The following SH3BGRL2 variants were observed in gnomAD, a reference collection of about 807,000 sequenced individuals.
SH3BGRL2 encodes SH3 domain binding glutamate rich protein like 2.
A neutral mutation model predicts 14.8 loss-of-function variants in SH3BGRL2; 21 were observed. The ratio of observed to expected loss-of-function variants is 1.42; its 90% CI spans 1.01 to 2.05. The LOEUF is 2.05. SH3BGRL2 is among the 30% of genes most tolerant of loss of function. SH3BGRL2 has a pLI of 0.00. For missense variants in SH3BGRL2, 147 were observed against 130.8 expected (o/e 1.12, Z -0.61); for synonymous variants, 50 against 47.8 (o/e 1.05, Z -0.19).
At chr6:79,697,262 GA>G (rs1770350921) in intron 3 of SH3BGRL2, among the ~76,000 whole-genome samples, 1 of 151,294 alleles carries the variant, frequency 6.6e-6, no homozygotes, top group Non-Finnish European at 1.5e-5. Context: ...TTTGAATTGG[GA>G]AAATATTAAA....
chr6:79,656,326 G>A (rs942686251), intron 1 of SH3BGRL2, among the ~76,000 whole-genome samples: 1 of 152,194 alleles, frequency 6.6e-6, no homozygotes, highest in African/African-American at 2.4e-5. Context: ...AGATTAAGCT[G>A]GTGAATGGGT....
chr6:79,579,560 G>A, the SH3BGRL2 span, among the ~76,000 whole-genome samples: 2 of 152,126 alleles, frequency 1.3e-5, no homozygotes, highest in Non-Finnish European at 2.9e-5. Context: ...AGCTTCATAA[G>A]TGAAGGAGAA....
chr6:79,652,546 A>C (rs1480382129), intron 1 of SH3BGRL2, among the ~76,000 whole-genome samples: 1 of 152,138 alleles, frequency 6.6e-6, no homozygotes, highest in Non-Finnish European at 1.5e-5. Flanking sequence ...GACATGAGGT[A>C]GGCTAGGTAT....
chr6:79,663,542 G>A (rs191146449), intron 1 of SH3BGRL2, among the ~76,000 whole-genome samples: 39 of 152,160 alleles, frequency 2.6e-4, no homozygotes, highest in African/African-American at 8.2e-4. Context: ...TGGAAGCGTC[G>A]TCCCAGAGGG....
At chr6:79,671,668 A>G (rs1769775708) in intron 1 of SH3BGRL2, among the ~76,000 whole-genome samples, 1 of 152,254 alleles carries the variant, frequency 6.6e-6, no homozygotes, top group South Asian at 2.1e-4. Flanking sequence ...TAAGCCCAGC[A>G]CATGAAGTGC....
intron 1 of SH3BGRL2, among the ~76,000 whole-genome samples, chr6:79,642,207 C>T (rs1024897335): frequency 4.6e-5 from 7 of 152,114 alleles, no homozygotes; most frequent in Non-Finnish European, 1.0e-4. Flanking sequence ...CATGTACAGA[C>T]TTTTTCTAGT....
the SH3BGRL2 span, among the ~76,000 whole-genome samples, chr6:79,578,532 C>T: frequency 6.6e-6 from 1 of 152,054 alleles, no homozygotes; most frequent in East Asian, 1.9e-4. Context: ...CTCCAGCAAA[C>T]CCCAACAGAT....
intron 3 of SH3BGRL2, among the ~76,000 whole-genome samples, chr6:79,697,471 G>T (rs549947333): frequency 7.9e-5 from 12 of 152,258 alleles, no homozygotes; most frequent in African/African-American, 2.6e-4. Context: ...AAAATAGTAG[G>T]TCTTTTGAGG....
At chr6:79,609,344 C>A in the SH3BGRL2 span, among the ~76,000 whole-genome samples, 1 of 152,130 alleles carries the variant, frequency 6.6e-6, no homozygotes, top group African/African-American at 2.4e-5. Context: ...GGCAAACATC[C>A]AGATGAGTTT....
chr6:79,560,867 C>CTTTTTTTTTTTT, the SH3BGRL2 span, among the ~76,000 whole-genome samples: 1 of 45,784 alleles, frequency 2.2e-5, no homozygotes, highest in Non-Finnish European at 3.8e-5. Context: ...ACAATACACT[C>CTTTTTTTTTTTT]TTTTTTTTTT....
At chr6:79,595,441 CAAAT>C in the SH3BGRL2 span, among the ~76,000 whole-genome samples, 3 of 152,014 alleles carry the variant, frequency 2.0e-5, no homozygotes, top group African/African-American at 7.3e-5. Flanking sequence ...TAGGAAAAGA[CAAAT>C]AATCCAGTAG....
chr6:79,589,336 T>A, the SH3BGRL2 span, among the ~76,000 whole-genome samples: 1 of 151,918 alleles, frequency 6.6e-6, no homozygotes, highest in Non-Finnish European at 1.5e-5. Flanking sequence ...GATTATTTAA[T>A]GGTTACAAAA....
At chr6:79,669,452 CTT>C (rs66477199) in intron 1 of SH3BGRL2, among the ~76,000 whole-genome samples, 24 of 122,916 alleles carry the variant, frequency 2.0e-4, no homozygotes, top group African/African-American at 3.3e-4. Context: ...AATTTATATT[CTT>C]TTTTTTTTTT....
chr6:79,548,602 G>A, the SH3BGRL2 span, among the ~76,000 whole-genome samples: 1 of 152,268 alleles, frequency 6.6e-6, no homozygotes, highest in Middle Eastern at 3.4e-3. Context: ...TAGAATGTAG[G>A]TACCACAAGG....
the SH3BGRL2 span, among the ~76,000 whole-genome samples, chr6:79,549,673 T>G: frequency 1.3e-5 from 2 of 152,156 alleles, no homozygotes; most frequent in East Asian, 3.8e-4. Flanking sequence ...CAACTCTTTT[T>G]AAAATAACAA....
intron 2 of SH3BGRL2, among the ~76,000 whole-genome samples, chr6:79,690,016 C>G (rs556040274): frequency 6.6e-6 from 1 of 152,158 alleles, no homozygotes; most frequent in East Asian, 1.9e-4. Flanking sequence ...CCCTCCGTCA[C>G]TCTGTCACCC....
intron 2 of SH3BGRL2, among the ~76,000 whole-genome samples, chr6:79,680,333 G>C (rs1316194698): frequency 6.6e-6 from 1 of 152,106 alleles, no homozygotes; most frequent in Non-Finnish European, 1.5e-5. Context: ...CTGTTGAAGA[G>C]ACCATCTTTT....
chr6:79,557,053 A>G, the SH3BGRL2 span, among the ~76,000 whole-genome samples: 1 of 151,866 alleles, frequency 6.6e-6, no homozygotes, highest in Non-Finnish European at 1.5e-5. Flanking sequence ...TACTTTTATA[A>G]CCATTCATGC....
rs547643619 is a variant in SH3BGRL2, at chr6:79,669,965, C to G, written c.46-3649C>G. On this transcript the variant is annotated intron_variant, in intron 1 of 3. Coordinates refer to ENST00000369838, the MANE Select transcript of SH3BGRL2 (RefSeq NM_031469.4). The stretch of plus-strand genomic sequence containing the variant: ...ATCTGTGATCTAGCTCAAAGGTTGA[C>G]AAGCCTTTTCTATAAAGGGCAGCTA... 2.0e-5 allele frequency among the ~76,000 whole-genome samples: 3 copies of G among 152,238 alleles called. No homozygotes were observed. In the South Asian group the frequency reaches 6.2e-4, roughly 32 times the overall value.
Sources: gnomAD v4.1 joint callset for allele counts (sites outside exome capture counted in the v4.1 genomes callset) on GRCh38, gnomAD v4.1.1 for gene constraint, MANE v1.5 for transcripts, NCBI Gene and HGNC (gene_info 2026-07-23, HGNC 2026-07-21) for gene names.